The following CLASP1 variants were observed in gnomAD, a reference collection of about 807,000 sequenced individuals.
CLASP1 encodes CLIP-associating protein 1.
A neutral mutation model predicts 192.3 loss-of-function variants in CLASP1; 38 were observed. That is an observed-to-expected ratio of 0.20 (90% CI 0.15 to 0.26). CLASP1 has a LOEUF of 0.26. CLASP1 is among the 10% of genes least tolerant of loss of function. CLASP1 has a pLI of 1.00. For synonymous variants in CLASP1, 691 were observed against 712.8 expected, an observed-to-expected ratio of 0.97 and a Z score of 0.49; for missense variants, 1,433 against 1,932.5, an observed-to-expected ratio of 0.74 and a Z score of 4.85.
intron 7 of CLASP1, among the ~76,000 whole-genome samples, chr2:121,505,724 ATTTCT>A (rs1225034350): frequency 6.6e-6 from 1 of 152,200 alleles, no homozygotes; most frequent in Non-Finnish European, 1.5e-5. Context: ...TTTAAAATAA[ATTTCT>A]TTACTGGTTT....
chr2:121,478,799 A>C (rs191944791), intron 8 of CLASP1, among the ~76,000 whole-genome samples: 37 of 21,586 alleles, frequency 1.7e-3, no homozygotes, highest in African/African-American at 4.0e-3. Flanking sequence ...CACACCACAC[A>C]CCACACACAC....
intron 2 of CLASP1, among the ~76,000 whole-genome samples, chr2:121,578,141 C>T (rs1380967141): frequency 2.6e-5 from 4 of 151,928 alleles, no homozygotes; most frequent in Admixed American, 2.0e-4. Flanking sequence ...CCATGTTGCT[C>T]GGGCTGGTCT....
chr2:121,357,070 T>C (rs1016336298), intron 37 of CLASP1, among the ~76,000 whole-genome samples: 1 of 152,152 alleles, frequency 6.6e-6, no homozygotes, highest in East Asian at 1.9e-4. Context: ...TAAAAACCCA[T>C]GGCATTTCCT....
At chr2:121,367,940 G>A in intron 34 of CLASP1, 109 bp from the exon 36 acceptor site, 1 of 1,422,682 alleles carries the variant, frequency 7.0e-7, no homozygotes, top group Non-Finnish European at 9.5e-7. Context: ...AATATGTATG[G>A]CCAGTGACAA....
At chr2:121,397,188 A>C in exon 30 of CLASP1, 2 of 1,613,898 alleles carry the variant, frequency 1.2e-6, no homozygotes, top group Non-Finnish European at 1.7e-6. Flanking sequence ...TTATGATTCT[A>C]GAAACAGCAA....
chr2:121,481,306 A>C (rs987926009), intron 8 of CLASP1, among the ~76,000 whole-genome samples: 1 of 152,160 alleles, frequency 6.6e-6, no homozygotes, highest in Non-Finnish European at 1.5e-5. Flanking sequence ...CCATACAACT[A>C]ATTCAAATTA....
intron 19 of CLASP1, among the ~76,000 whole-genome samples, chr2:121,444,138 C>A (rs1229463936): frequency 6.6e-6 from 1 of 152,128 alleles, no homozygotes; most frequent in Non-Finnish European, 1.5e-5. Flanking sequence ...ATGCACTTAT[C>A]AAAAACCTGC....
chr2:121,544,318 T>C (rs73950989), intron 2 of CLASP1, among the ~76,000 whole-genome samples: 95 of 152,136 alleles, frequency 6.2e-4, no homozygotes, highest in African/African-American at 2.2e-3. Flanking sequence ...ACAAATCAAC[T>C]CCTTCCTCAA....
At chr2:121,373,011 G>C (rs1444747266) in intron 34 of CLASP1, among the ~76,000 whole-genome samples, 1 of 152,230 alleles carries the variant, frequency 6.6e-6, no homozygotes, top group Non-Finnish European at 1.5e-5. Flanking sequence ...CTTCAGTTCA[G>C]AGGTGACATA....
In CLASP1 at chr2:121,647,249, T is replaced by G. The variant is rs560923537; in HGVS notation, c.-286+2123A>C. 1.3e-4 allele frequency among the ~76,000 whole-genome samples: 20 copies of G among 152,058 alleles called. No homozygotes were observed. In the East Asian group the frequency reaches 3.5e-3, roughly 26 times the overall value. On this transcript the variant is annotated intron_variant, in intron 1 of 39. Transcript: ENST00000263710. ...TGGGCATGGTTGTGGGTGCCTGTAA[T>G]CCCAGCTACTCAGGCGGCTGAGGCA...
At chr2:121,519,924 C>T (rs574517986) in intron 6 of CLASP1, among the ~76,000 whole-genome samples, 1 of 152,322 alleles carries the variant, frequency 6.6e-6, no homozygotes, top group South Asian at 2.1e-4. Context: ...TGGTCTCGCA[C>T]TGCCTCTCCC....
At chr2:121,466,669 A>G (rs943078648) in intron 9 of CLASP1, among the ~76,000 whole-genome samples, 8 of 152,254 alleles carry the variant, frequency 5.3e-5, no homozygotes, top group African/African-American at 1.7e-4. Context: ...AGAGTTGTAT[A>G]TAACAACCAA....
chr2:121,478,965 ACACACAC>A (rs1334015071), intron 8 of CLASP1, among the ~76,000 whole-genome samples: 7 of 38,626 alleles, frequency 1.8e-4, no homozygotes, highest in African/African-American at 7.3e-4. Flanking sequence ...CACACACACC[ACACACAC>A]CACACACACA....
rs543640353 is a variant in CLASP1 at position 121,486,379 on chromosome 2, T to G, written c.713-16419A>C. Among the ~76,000 whole-genome samples, 4 of 152,294 alleles carry G rather than the reference T, an allele frequency of 2.6e-5. No homozygotes were observed. In the East Asian group the frequency reaches 7.7e-4, roughly 29 times the overall value. On this transcript the variant is annotated intron_variant, in intron 8 of 39. Transcript: ENST00000263710. ...GACTGAAAACTGAGACTTCCAGAAG[T>G]CAACAACTAAAATTTCAACACCTTA...
intron 31 of CLASP1, among the ~76,000 whole-genome samples, 192 bp from the exon 33 acceptor site, chr2:121,387,420 A>T (rs1264288056): frequency 6.6e-6 from 1 of 151,974 alleles, no homozygotes; most frequent in East Asian, 1.9e-4. Flanking sequence ...TCATACAAGC[A>T]CTCCTGGAGT....
chr2:121,559,965 A>C (rs1251463022), intron 2 of CLASP1, among the ~76,000 whole-genome samples: 1 of 152,180 alleles, frequency 6.6e-6, no homozygotes. Context: ...GAAAAAAGAC[A>C]TTAGTGGAAA....
exon 16 of CLASP1, chr2:121,450,949 T>C (rs199752541): frequency 2.8e-4 from 449 of 1,611,368 alleles, no homozygotes; most frequent in Non-Finnish European, 3.5e-4. Context: ...ATCAGCATCA[T>C]GTATTCCCTT....
intron 34 of CLASP1, 132 bp from the exon 36 acceptor site, chr2:121,367,963 T>C (rs1433586669): frequency 7.7e-6 from 9 of 1,166,820 alleles, no homozygotes; most frequent in Non-Finnish European, 9.5e-6. Flanking sequence ...GGACAGCTAC[T>C]AGTACTGCAA....
chr2:121,435,505 C>T (rs1446224856), intron 19 of CLASP1, among the ~76,000 whole-genome samples: 5 of 152,154 alleles, frequency 3.3e-5, no homozygotes. Flanking sequence ...ACCTCCCAAC[C>T]TCAGGTGATC....
Sources: gnomAD v4.1 joint callset for allele counts (sites outside exome capture counted in the v4.1 genomes callset) on GRCh38, gnomAD v4.1.1 for gene constraint, MANE v1.5 for transcripts, NCBI Gene and HGNC (gene_info 2026-07-23, HGNC 2026-07-21) for gene names.